ENTREP2: variants seen among roughly 807,000 people sequenced by gnomAD.
ENTREP2 encodes the protein protein ENTREP2.
At chr15:29,532,028 G>C in the ENTREP2 span, among the ~76,000 whole-genome samples, 1 of 152,258 alleles carries the variant, frequency 6.6e-6, no homozygotes, top group Admixed American at 6.5e-5. Context: ...TTTGTAGTAA[G>C]ATCACTTAAA....
At chr15:29,562,666 G>C in the ENTREP2 span, among the ~76,000 whole-genome samples, 1 of 152,142 alleles carries the variant, frequency 6.6e-6, no homozygotes, top group African/African-American at 2.4e-5. Flanking sequence ...ATAGAATTTG[G>C]CTATGAGCAT....
At chr15:29,136,325 T>C in the ENTREP2 span, 2 of 1,462,646 alleles carry the variant, frequency 1.4e-6, no homozygotes, top group East Asian at 2.6e-5. Flanking sequence ...GTCCCTAGCA[T>C]TCCCACGGGA....
chr15:29,446,235 G>C, the ENTREP2 span, among the ~76,000 whole-genome samples: 1 of 152,130 alleles, frequency 6.6e-6, no homozygotes, highest in Non-Finnish European at 1.5e-5. Context: ...TTAAGCTACC[G>C]ACTCTAAGGC....
chr15:29,314,882 C>T, the ENTREP2 span, among the ~76,000 whole-genome samples: 1 of 151,996 alleles, frequency 6.6e-6, no homozygotes, highest in African/African-American at 2.4e-5. Context: ...TGAAACCCCG[C>T]CTCTACCAAA....
chr15:29,289,915 A>G, the ENTREP2 span, among the ~76,000 whole-genome samples: 1 of 152,156 alleles, frequency 6.6e-6, no homozygotes, highest in Admixed American at 6.6e-5. Context: ...ACCAAATTGA[A>G]ATAATCTAAA....
chr15:29,164,172 A>G, the ENTREP2 span, among the ~76,000 whole-genome samples: 2 of 152,240 alleles, frequency 1.3e-5, no homozygotes, highest in Non-Finnish European at 2.9e-5. Flanking sequence ...GGAGCTCTAA[A>G]TCTTGAAACA....
At chr15:29,632,345 A>C in the ENTREP2 span, among the ~76,000 whole-genome samples, 1 of 152,244 alleles carries the variant, frequency 6.6e-6, no homozygotes, top group Non-Finnish European at 1.5e-5. Context: ...CTAGGACCAG[A>C]AAGCCAGCTG....
At chr15:29,118,064 G>C in the ENTREP2 span, 1 of 152,608 alleles carries the variant, frequency 6.6e-6, no homozygotes, top group African/African-American at 2.4e-5. Context: ...GAGCAGTAGT[G>C]GCATGTGTGT....
chr15:29,407,809 G>A, the ENTREP2 span, among the ~76,000 whole-genome samples: 1 of 151,908 alleles, frequency 6.6e-6, no homozygotes, highest in Non-Finnish European at 1.5e-5. Flanking sequence ...GGGACTACAG[G>A]CACCCACCAG....
chr15:29,276,060 C>T, the ENTREP2 span, among the ~76,000 whole-genome samples: 69 of 152,314 alleles, frequency 4.5e-4, no homozygotes, highest in African/African-American at 1.5e-3. Flanking sequence ...TAGCAAAGAT[C>T]CCTCCTGCCT....
chr15:29,491,765 C>A, the ENTREP2 span, among the ~76,000 whole-genome samples: 6 of 152,204 alleles, frequency 3.9e-5, no homozygotes, highest in South Asian at 1.2e-3. Flanking sequence ...AATTATTTAC[C>A]TTTTCGACTT....
chr15:29,184,447 CCTA>C, the ENTREP2 span, among the ~76,000 whole-genome samples: 4 of 152,174 alleles, frequency 2.6e-5, no homozygotes, highest in Non-Finnish European at 5.9e-5. Context: ...GTCTCCGTCT[CCTA>C]CTAAGCGGAT....
At chr15:29,195,335 G>A in the ENTREP2 span, 1 of 985,196 alleles carries the variant, frequency 1.0e-6, no homozygotes, top group Non-Finnish European at 1.2e-6. Flanking sequence ...ACCACCCATG[G>A]AGGACTAATC....
chr15:29,502,201 A>G, the ENTREP2 span, among the ~76,000 whole-genome samples: 5 of 152,116 alleles, frequency 3.3e-5, no homozygotes, highest in South Asian at 1.0e-3. Context: ...GAGAGGAATC[A>G]CACTTTCTGA....
chr15:29,159,318 G>A, the ENTREP2 span, among the ~76,000 whole-genome samples: 1 of 152,182 alleles, frequency 6.6e-6, no homozygotes, highest in African/African-American at 2.4e-5. Flanking sequence ...GGCTCCAGGA[G>A]TGAAGCTGCA....
the ENTREP2 span, among the ~76,000 whole-genome samples, chr15:29,148,216 G>A: frequency 6.6e-6 from 1 of 152,196 alleles, no homozygotes; most frequent in South Asian, 2.1e-4. Flanking sequence ...AAAATGGATT[G>A]TGGTGAAGGT....
At chr15:29,234,821 G>A in the ENTREP2 span, 4 of 1,436,364 alleles carry the variant, frequency 2.8e-6, no homozygotes, top group Non-Finnish European at 3.9e-6. Context: ...TTTATCATTT[G>A]TGCAAGGTAA....
the ENTREP2 span, among the ~76,000 whole-genome samples, chr15:29,345,163 G>T: frequency 3.9e-5 from 6 of 152,152 alleles, no homozygotes; most frequent in Admixed American, 3.9e-4. Context: ...ACTAAATGCT[G>T]GCTCCTCCTC....
At chr15:29,520,596 T>C in the ENTREP2 span, among the ~76,000 whole-genome samples, 5 of 151,034 alleles carry the variant, frequency 3.3e-5, no homozygotes, top group African/African-American at 1.2e-4. Context: ...AAAAAAAAAT[T>C]AGAAGAATAA....
Sources: allele counts gnomAD v4.1 joint callset (sites outside exome capture counted in the v4.1 genomes callset), GRCh38; gene constraint gnomAD v4.1.1; transcripts MANE v1.5; gene names NCBI Gene and HGNC (gene_info 2026-07-23, HGNC 2026-07-21).